The following FHIP1A variants were observed in gnomAD, a reference collection of about 807,000 sequenced individuals.
FHIP1A encodes the protein FHF complex subunit HOOK interacting protein 1A, also known as FHF complex subunit HOOK-interacting protein 1A.
In FHIP1A, 61 loss-of-function variants were observed where a neutral mutation model predicts 88.6. The ratio of observed to expected loss-of-function variants is 0.69; its 90% CI spans 0.56 to 0.85. The LOEUF is 0.85. FHIP1A is among the 40% of genes least tolerant of loss of function. The pLI is 0.00. For synonymous variants in FHIP1A, 478 were observed against 496.0 expected (o/e 0.96, Z 0.48); for missense variants, 1,154 against 1,273.5 (o/e 0.91, Z 1.43).
chr4:151,569,095 A>T (rs1317408320), intron 4 of FHIP1A, among the ~76,000 whole-genome samples: 2 of 152,160 alleles, frequency 1.3e-5, no homozygotes, highest in Non-Finnish European at 2.9e-5. Context: ...GTTTGACATA[A>T]GCTCCTAGGC....
chr4:151,591,171 G>A (rs1397923260), intron 7 of FHIP1A, among the ~76,000 whole-genome samples: 1 of 151,804 alleles, frequency 6.6e-6, no homozygotes, highest in Admixed American at 6.6e-5. Flanking sequence ...CTCTCCTCTG[G>A]CTCTTGGCTC....
chr4:151,603,711 G>C (rs1734961753), intron 7 of FHIP1A, among the ~76,000 whole-genome samples: 1 of 152,146 alleles, frequency 6.6e-6, no homozygotes, highest in Non-Finnish European at 1.5e-5. Flanking sequence ...TTCTTTTTGT[G>C]AATAATATCA....
intron 3 of FHIP1A, among the ~76,000 whole-genome samples, chr4:151,523,544 A>G (rs1731521141): frequency 6.6e-6 from 1 of 152,048 alleles, no homozygotes; most frequent in Non-Finnish European, 1.5e-5. Context: ...TTTTAAAGGT[A>G]GGGGCTATGT....
intron 3 of FHIP1A, among the ~76,000 whole-genome samples, chr4:151,534,204 A>G (rs866954636): frequency 6.6e-6 from 1 of 152,224 alleles, no homozygotes. Context: ...CACCTTTGCA[A>G]ACTCCAGTTT....
intron 1 of FHIP1A, among the ~76,000 whole-genome samples, chr4:151,421,489 G>A (rs1404281811): frequency 6.6e-6 from 1 of 152,012 alleles, no homozygotes; most frequent in Non-Finnish European, 1.5e-5. Context: ...AATTTTTTCA[G>A]TGGTTCCCTG....
intron 8 of FHIP1A, among the ~76,000 whole-genome samples, chr4:151,630,876 G>C (rs889251908): frequency 2.0e-5 from 3 of 152,170 alleles, no homozygotes; most frequent in Non-Finnish European, 4.4e-5. Flanking sequence ...AAATTCACAA[G>C]TATATGGAAA....
chr4:151,559,947 A>G (rs938593217), intron 3 of FHIP1A, among the ~76,000 whole-genome samples: 1 of 152,192 alleles, frequency 6.6e-6, no homozygotes, highest in Non-Finnish European at 1.5e-5. Flanking sequence ...GAGAATGTGA[A>G]CTGGCTATTA....
rs914678624 is a variant in FHIP1A at position 151,662,815 on chromosome 4, T to C, written c.*61T>C. 1 of 1,346,334 alleles carries C rather than the reference T, an allele frequency of 7.4e-7. No individual in the cohort carries two copies. Among genetic ancestry groups the C allele is most frequent in the East Asian group, 2.6e-5 (1 of 37,786 alleles). The allele number at this position is 1,346,334 out of a possible 1,614,324, so 83.4% of individuals were successfully genotyped here. Reference sequence around the variant, plus strand: ...GTAAGGTTTTAGTGTCTTGACTGAATGTTAAATGCAAAGCTGCTTACAAAG... The same window carrying C: ...GTAAGGTTTTAGTGTCTTGACTGAACGTTAAATGCAAAGCTGCTTACAAAG... On this transcript the variant is annotated 3_prime_UTR_variant, in exon 14 of 14. Transcript: ENST00000435205.
chr4:151,438,445 T>G (rs772065976), intron 1 of FHIP1A, among the ~76,000 whole-genome samples: 16 of 152,066 alleles, frequency 1.1e-4, no homozygotes, highest in Non-Finnish European at 1.8e-4. Context: ...TTTAATTCTT[T>G]TCATTGTATT....
At chr4:151,587,524 TTTA>T in intron 6 of FHIP1A, among the ~76,000 whole-genome samples, 1 of 151,976 alleles carries the variant, frequency 6.6e-6, no homozygotes, top group Non-Finnish European at 1.5e-5. Context: ...GGCCTTTTTT[TTTA>T]TTATTATACT....
chr4:151,629,929 T>A, intron 8 of FHIP1A, 60 bp downstream of exon 8: 1 of 1,321,076 alleles, frequency 7.6e-7, no homozygotes, highest in Non-Finnish European at 1.0e-6. Context: ...GGAGAGTTTT[T>A]TTTTGGGAAT....
intron 3 of FHIP1A, among the ~76,000 whole-genome samples, chr4:151,531,865 A>G (rs551778354): frequency 6.6e-6 from 1 of 152,198 alleles, no homozygotes; most frequent in Non-Finnish European, 1.5e-5. Flanking sequence ...CAGAATCTGG[A>G]TCTCCAGGGC....
intron 2 of FHIP1A, among the ~76,000 whole-genome samples, chr4:151,463,282 C>T (rs1355226926): frequency 6.6e-6 from 1 of 152,150 alleles, no homozygotes; most frequent in Non-Finnish European, 1.5e-5. Context: ...TTTCTTCCTA[C>T]CTCTGGTGAT....
intron 3 of FHIP1A, among the ~76,000 whole-genome samples, chr4:151,527,040 C>T (rs1731693853): frequency 6.8e-6 from 1 of 147,128 alleles, no homozygotes; most frequent in Non-Finnish European, 1.5e-5. Context: ...ACTTTCCAGA[C>T]TGGGCAGCCA....
rs370307770 is a variant in FHIP1A at position 151,650,607 on chromosome 4, T to C, written c.2551+15T>C. ...CCCATTCACAGGTGACCATCTTAAA[T>C]TGCTTTGTGGTTTCTGCTTTCGAAA... On this transcript the variant is annotated intron_variant, in intron 11 of 13. Coordinates refer to ENST00000435205, the MANE Select transcript of FHIP1A (RefSeq NM_001109977.3). 2.5e-5 allele frequency: 38 copies of C among 1,536,152 alleles called. No homozygotes were observed. In the African/African-American group the frequency reaches 4.3e-4, roughly 17 times the overall value.
chr4:151,481,980 G>A (rs1028907354), intron 2 of FHIP1A, among the ~76,000 whole-genome samples: 2 of 152,104 alleles, frequency 1.3e-5, no homozygotes, highest in Non-Finnish European at 2.9e-5. Flanking sequence ...TGCCAGTTAG[G>A]CCTGATGATA....
chr4:151,452,654 G>T (rs1044690682), intron 1 of FHIP1A, among the ~76,000 whole-genome samples: 17 of 152,104 alleles, frequency 1.1e-4, no homozygotes, highest in South Asian at 6.2e-4. Flanking sequence ...GCTCATGCCT[G>T]TAGTCCCAGC....
At chr4:151,557,075 G>T (rs764482352) in intron 3 of FHIP1A, among the ~76,000 whole-genome samples, 1 of 152,078 alleles carries the variant, frequency 6.6e-6, no homozygotes, top group Non-Finnish European at 1.5e-5. Flanking sequence ...CACTCTAATA[G>T]TATTGGGTCA....
intron 3 of FHIP1A, among the ~76,000 whole-genome samples, chr4:151,553,395 CAA>C (rs1732821365): frequency 6.6e-6 from 1 of 152,052 alleles, no homozygotes; most frequent in Non-Finnish European, 1.5e-5. Flanking sequence ...AGGGAAGAAA[CAA>C]AAATGTTTTG....
Sources: allele counts gnomAD v4.1 joint callset (sites outside exome capture counted in the v4.1 genomes callset), GRCh38; gene constraint gnomAD v4.1.1; transcripts MANE v1.5; gene names NCBI Gene and HGNC (gene_info 2026-07-23, HGNC 2026-07-21).